KIF13B: variants seen among roughly 807,000 people sequenced by gnomAD.
KIF13B encodes the protein kinesin-like protein KIF13B.
A neutral mutation model predicts 222.0 loss-of-function variants in KIF13B; 127 were observed. That is an observed-to-expected ratio of 0.57 (90% CI 0.50 to 0.66). The LOEUF is 0.66. Ranked by LOEUF, KIF13B falls within the 30% of genes least tolerant of loss-of-function variation. The pLI is 0.00. For missense variants in KIF13B, 2,173 were observed against 2,379.0 expected, an observed-to-expected ratio of 0.91 and a Z score of 1.80; for synonymous variants, 976 against 919.0, an observed-to-expected ratio of 1.06 and a Z score of -1.12.
At chr8:29,148,897 A>T in intron 15 of KIF13B, 130 bp from the exon 16 acceptor site, 3 of 658,318 alleles carry the variant, frequency 4.6e-6, no homozygotes, top group Non-Finnish European at 7.3e-6. Context: ...TGTACTCAGG[A>T]AGTTGATAAT....
chr8:29,094,507 T>C (rs1352786305), intron 36 of KIF13B, among the ~76,000 whole-genome samples: 2 of 152,162 alleles, frequency 1.3e-5, no homozygotes, highest in Non-Finnish European at 2.9e-5. Context: ...TATGGCCCCA[T>C]TTATGAAACT....
chr8:29,155,957 GA>G (rs1811504969), intron 13 of KIF13B, 101 bp from the exon 14 acceptor site: 1 of 927,706 alleles, frequency 1.1e-6, no homozygotes, highest in Non-Finnish European at 1.6e-6. Context: ...TTACCTTTGC[GA>G]AAATTTTTTT....
Position 29,122,594 on chromosome 8 carries a change from T to G in KIF13B, c.3532A>C (p.Asn1178His). 1 of 1,609,178 alleles carries G rather than the reference T, an allele frequency of 6.2e-7. No homozygotes were observed. Among genetic ancestry groups the G allele is most frequent in the Non-Finnish European group, 8.5e-7 (1 of 1,177,554 alleles). The change falls in exon 29 of 40, where the codon AAT becomes CAT. Residue 1178 changes from asparagine to histidine, a missense_variant. Physicochemically the swap from Asn to His is moderately conservative, Grantham distance 68. Transcript: ENST00000524189. ...CAGAAAACACCTCCTAACTTACCAT[T>G]TAAGTCCAGGAATATAACAGGAATG... ...THIPVIFLDLNADDFSSQDNL... is the reference protein window; with the variant it reads ...THIPVIFLDLHADDFSSQDNL...
At chr8:29,073,424 T>C (rs891205452) in intron 38 of KIF13B, among the ~76,000 whole-genome samples, 2 of 152,176 alleles carry the variant, frequency 1.3e-5, no homozygotes, top group African/African-American at 4.8e-5. Flanking sequence ...CAGCCACCGC[T>C]TGCCCAAATC....
intron 6 of KIF13B, 25 bp downstream of exon 6, chr8:29,186,267 A>C (rs752470810): frequency 6.4e-7 from 1 of 1,574,680 alleles, no homozygotes; most frequent in Non-Finnish European, 8.6e-7. Context: ...CAATGCTGAA[A>C]CACTAAAGTC....
intron 38 of KIF13B, 66 bp downstream of exon 38, chr8:29,075,215 A>G: frequency 7.6e-7 from 1 of 1,314,590 alleles, no homozygotes; most frequent in Non-Finnish European, 1.1e-6. Context: ...TGGACTCAAC[A>G]GTTTCGGCAT....
chr8:29,180,127 T>C lies in KIF13B; in HGVS notation c.697A>G (p.Thr233Ala), dbSNP rs751911750. ...ACCCCAGACTTCACATCGTAGAGAGTATGTGTGAGGGTGATTTTGAAAACT... is the reference window on the plus strand; with the variant it reads ...ACCCCAGACTTCACATCGTAGAGAGCATGTGTGAGGGTGATTTTGAAAACT... ...HAVFKITLTH[T>A]LYDVKSGTSG... Residue 233 changes from threonine (T) to alanine (A), a missense_variant, in exon 8 of 40, where the codon ACT becomes GCT. Thr to Ala is a moderately conservative substitution (Grantham distance 58). Around this residue, in one of 2 missense-constraint regions of KIF13B, gnomAD observed 1,480 missense variants for 1,722.8 expected, o/e 0.86. Coordinates refer to ENST00000524189, the MANE Select transcript of KIF13B (RefSeq NM_015254.4). 6.2e-7 allele frequency: 1 copy of C among 1,613,596 alleles called. No individual in the cohort carries two copies. The highest frequency in any genetic ancestry group is 1.3e-5 in the African/African-American group (1 of 74,814).
At chr8:29,191,671 T>G (rs1165639647) in intron 3 of KIF13B, among the ~76,000 whole-genome samples, 2 of 152,260 alleles carry the variant, frequency 1.3e-5, no homozygotes, top group African/African-American at 4.8e-5. Flanking sequence ...TGGTGGGATC[T>G]TACAGATGAT....
At chr8:29,189,167 C>G (rs1023921335) in intron 4 of KIF13B, 3 of 152,206 alleles carry the variant, frequency 2.0e-5, no homozygotes, top group African/African-American at 7.2e-5. Flanking sequence ...AGATATGTCA[C>G]TAGTCAGTAA....
chr8:29,129,823 G>A (rs1008275053), intron 24 of KIF13B, among the ~76,000 whole-genome samples: 1 of 152,142 alleles, frequency 6.6e-6, no homozygotes, highest in Non-Finnish European at 1.5e-5. Context: ...TTAACACCTG[G>A]CATGTCAGGC....
In KIF13B at chr8:29,071,180, G is replaced by C. The variant is rs559090222; in HGVS notation, c.5219-414C>G. Among the ~76,000 whole-genome samples the C allele has an allele frequency of 6.6e-6, 1 of 152,296 alleles. No individual in the cohort carries two copies. The highest frequency in any genetic ancestry group is 2.4e-5 in the African/African-American group (1 of 41,576). The stretch of plus-strand genomic sequence containing the variant: ...GTGGCGGGAGAATGGTTCTTTTGCT[G>C]AATCTATGAAATGGAAACTGGCAAA... On this transcript the variant is annotated intron_variant, in intron 39 of 39. Transcript: ENST00000524189. This position sits in a 1 kb window ranked among gnomAD's most constrained non-coding sequence, Gnocchi z 4.9.
chr8:29,218,422 A>G (rs1246946099), intron 2 of KIF13B, among the ~76,000 whole-genome samples: 1 of 152,202 alleles, frequency 6.6e-6, no homozygotes, highest in Non-Finnish European at 1.5e-5. Context: ...GTACTGTTAG[A>G]CATGAGACCT....
chr8:29,142,200 C>T lies in KIF13B; in HGVS notation c.2291G>A (p.Arg764Lys). 2 of 1,613,726 alleles carry T rather than the reference C, an allele frequency of 1.2e-6. No individual in the cohort carries two copies. Among genetic ancestry groups the T allele is most frequent in the East Asian group, 2.2e-5 (1 of 44,892 alleles). ...EKLDNRLLDMRDLYQEWKECE... is the reference protein window; with the variant it reads ...EKLDNRLLDMKDLYQEWKECE... ...CTCTTTCCACTCCTGATAAAGGTCT[C>T]TCATATCCAACAGCCTGTTGTCCAG... is the stretch of plus-strand genomic sequence containing the variant. The change falls in exon 19 of 40, where the codon AGA (arginine) becomes AAA (lysine). Residue 764 changes from arginine to lysine, a missense_variant. Arg to Lys is a conservative substitution (Grantham distance 26, BLOSUM62 2). This residue lies in a region of KIF13B where 1,480 missense variants were observed against 1,722.8 expected (regional missense o/e 0.86). Transcript: ENST00000524189.
chr8:29,204,965 A>G (rs1257063988), intron 2 of KIF13B, among the ~76,000 whole-genome samples: 1 of 152,156 alleles, frequency 6.6e-6, no homozygotes, highest in African/African-American at 2.4e-5. Flanking sequence ...GAAATTAACT[A>G]ATTTCCCCCC....
At chr8:29,239,006 C>T (rs1586970014) in intron 2 of KIF13B, among the ~76,000 whole-genome samples, 2 of 152,236 alleles carry the variant, frequency 1.3e-5, no homozygotes, top group East Asian at 3.9e-4. Flanking sequence ...CCACTATACG[C>T]CAGCCTGGGC....
chr8:29,223,177 A>T (rs1047246137), intron 2 of KIF13B, among the ~76,000 whole-genome samples: 1 of 149,024 alleles, frequency 6.7e-6, no homozygotes, highest in Non-Finnish European at 1.5e-5. Context: ...AAAAAAAAAA[A>T]ACAAAAAAAA....
At chr8:29,247,833 CAAAAA>C (rs57720312) in intron 1 of KIF13B, among the ~76,000 whole-genome samples, 4 of 54,410 alleles carry the variant, frequency 7.4e-5, no homozygotes, top group African/African-American at 1.2e-4. Flanking sequence ...GACCCTGTCT[CAAAAA>C]AAAAAAAAAA....
Position 29,118,956 on chromosome 8 carries a change from G to A in KIF13B, c.3572C>T (p.Pro1191Leu), listed in dbSNP as rs1408719031. The change falls in exon 30 of 40, where the codon CCA (proline) becomes CTA (leucine). Residue 1191 changes from proline to leucine, a missense_variant. Physicochemically the swap from Pro to Leu is moderately conservative, Grantham distance 98. Transcript: ENST00000524189. ...GGTCGCATCCCATCCACCAGCTTCT[G>A]GGTCATCAAGATTATCCTGAGAGCT... The part of the protein sequence containing the change: ...DFSSQDNLDD[P>L]EAGGWDATLT... 2 of 1,613,694 alleles carry A rather than the reference G, an allele frequency of 1.2e-6. No individual in the cohort carries two copies. Among genetic ancestry groups the A allele is most frequent in the Non-Finnish European group, 1.7e-6 (2 of 1,179,724 alleles).
At chr8:29,170,828 A>C (rs1169639309) in intron 10 of KIF13B, among the ~76,000 whole-genome samples, 1 of 152,274 alleles carries the variant, frequency 6.6e-6, no homozygotes, top group African/African-American at 2.4e-5. Flanking sequence ...CTGTAATCCC[A>C]ACACTTTGGG....
Sources: gnomAD v4.1 joint callset for allele counts (sites outside exome capture counted in the v4.1 genomes callset) on GRCh38, gnomAD v4.1.1 for gene constraint, gnomAD v4.1.1 regional missense constraint, Gnocchi (gnomAD v3.1) non-coding constraint, MANE v1.5 for transcripts, NCBI Gene and HGNC (gene_info 2026-07-23, HGNC 2026-07-21) for gene names.